The following ADAM20 variants were observed in gnomAD, a reference collection of about 807,000 sequenced individuals.
ADAM20 encodes disintegrin and metalloproteinase domain-containing protein 20.
For missense variants in ADAM20, 871 were observed against 883.2 expected (o/e 0.99, Z 0.18); for synonymous variants, 305 against 310.2 (o/e 0.98, Z 0.18).
the ADAM20 span, among the ~76,000 whole-genome samples, chr14:70,564,359 T>C: frequency 2.6e-5 from 4 of 152,200 alleles, no homozygotes; most frequent in Admixed American, 2.0e-4. Flanking sequence ...AGAATCTAGA[T>C]GCCTGGGACA....
At chr14:70,564,006 C>T in the ADAM20 span, among the ~76,000 whole-genome samples, 1 of 152,226 alleles carries the variant, frequency 6.6e-6, no homozygotes, top group African/African-American at 2.4e-5. Flanking sequence ...ATCACCTCAG[C>T]CCATGACTTC....
At chr14:70,553,450 T>C in the ADAM20 span, among the ~76,000 whole-genome samples, 1 of 120,812 alleles carries the variant, frequency 8.3e-6, no homozygotes, top group Non-Finnish European at 1.6e-5. Context: ...ATTACCCAGA[T>C]ACCAAAACCA....
chr14:70,567,226 T>G, the ADAM20 span, among the ~76,000 whole-genome samples: 1 of 151,300 alleles, frequency 6.6e-6, no homozygotes, highest in East Asian at 1.9e-4. Context: ...CTGCCCTGCC[T>G]AGGGTTTCTC....
At chr14:70,543,711 TCA>T in the ADAM20 span, among the ~76,000 whole-genome samples, 277 of 152,288 alleles carry the variant, frequency 1.8e-3, no homozygotes, top group African/African-American at 6.5e-3. Flanking sequence ...CATGGCCATT[TCA>T]CAGACAACTA....
chr14:70,529,905 T>C (rs1028284856), intron 1 of ADAM20, among the ~76,000 whole-genome samples: 1 of 152,232 alleles, frequency 6.6e-6, no homozygotes, highest in Non-Finnish European at 1.5e-5. Context: ...TTTTACTTTA[T>C]ATACTTTTAA....
chr14:70,542,921 A>C, the ADAM20 span, among the ~76,000 whole-genome samples: 5 of 151,968 alleles, frequency 3.3e-5, no homozygotes, highest in African/African-American at 1.2e-4. Context: ...CCTAGGGGAC[A>C]GAGCAAGACT....
the ADAM20 span, among the ~76,000 whole-genome samples, chr14:70,544,042 C>T: frequency 6.6e-6 from 1 of 152,230 alleles, no homozygotes; most frequent in South Asian, 2.1e-4. Context: ...CAACCAGAGA[C>T]ACGCCAGCCC....
chr14:70,558,606 G>A, the ADAM20 span, among the ~76,000 whole-genome samples: 1 of 152,040 alleles, frequency 6.6e-6, no homozygotes, highest in East Asian at 1.9e-4. Flanking sequence ...ATAGTGGAGT[G>A]GGGTAAATGC....
upstream of ADAM20, among the ~76,000 whole-genome samples, chr14:70,536,130 A>G (rs953231306): frequency 2.6e-5 from 4 of 152,168 alleles, no homozygotes; most frequent in Non-Finnish European, 2.9e-5. Context: ...ACCAAAATAC[A>G]TAATATCCAT....
rs1883479762 is a variant in ADAM20, at chr14:70,522,753, C to T, written c.2005G>A (p.Gly669Arg). Residue 669 changes from glycine (G) to arginine (R), a missense_variant, in exon 2 of 2, where the codon GGA becomes AGA. Physicochemically the swap from Gly to Arg is moderately radical, Grantham distance 125 (BLOSUM62 -2). Transcript: ENST00000256389. ...GGTGGGCCACTATCAGCACTACCTCCATAGCCTTTGTCCTTGCAGTATGGG... is the reference window on the plus strand; with the variant it reads ...GGTGGGCCACTATCAGCACTACCTCTATAGCCTTTGTCCTTGCAGTATGGG... ...APPYCKDKGY[G>R]GSADSGPPPK... 1 of 1,613,952 alleles carries T rather than the reference C, an allele frequency of 6.2e-7. No homozygotes were observed. The highest frequency in any genetic ancestry group is 1.3e-5 in the African/African-American group (1 of 74,916).
rs188550790 is a variant in ADAM20 at position 70,531,750 on chromosome 14, A to G, written c.-177+3047T>C. 3.9e-5 allele frequency among the ~76,000 whole-genome samples: 6 copies of G among 152,244 alleles called. No individual in the cohort carries two copies. The East Asian group carries it at 1.2e-3, about 29-fold the overall frequency. On this transcript the variant is annotated intron_variant, in intron 1 of 1. Transcript: ENST00000256389. Reference sequence around the variant, plus strand: ...AAATAAGAAAACAATTCTATTTACAATAGCATCAGAAAGAATAAAATACTT... The same window carrying G: ...AAATAAGAAAACAATTCTATTTACAGTAGCATCAGAAAGAATAAAATACTT...
At chr14:70,577,069 G>C in the ADAM20 span, among the ~76,000 whole-genome samples, 2 of 152,236 alleles carry the variant, frequency 1.3e-5, no homozygotes, top group Middle Eastern at 3.4e-3. Flanking sequence ...GCCCTTCCAG[G>C]AACCGCACTG....
At chr14:70,541,239 A>G in the ADAM20 span, among the ~76,000 whole-genome samples, 6 of 152,242 alleles carry the variant, frequency 3.9e-5, no homozygotes, top group African/African-American at 1.4e-4. Context: ...TATGCAAGAA[A>G]TGTACAATTT....
chr14:70,556,962 C>T, the ADAM20 span: 2 of 152,102 alleles, frequency 1.3e-5, no homozygotes, highest in Non-Finnish European at 2.9e-5. Context: ...TCACAATAAA[C>T]GATGTTGATA....
the ADAM20 span, among the ~76,000 whole-genome samples, chr14:70,574,221 C>T: frequency 6.6e-6 from 1 of 152,118 alleles, no homozygotes; most frequent in African/African-American, 2.4e-5. Flanking sequence ...AATTAATACT[C>T]CTGAACTACC....
At chr14:70,564,271 G>A in the ADAM20 span, among the ~76,000 whole-genome samples, 3 of 152,184 alleles carry the variant, frequency 2.0e-5, no homozygotes, top group African/African-American at 4.8e-5. Flanking sequence ...AAAACAAACT[G>A]AGCTTTGTCC....
chr14:70,537,287 C>G (rs1279559329), upstream of ADAM20, among the ~76,000 whole-genome samples: 1 of 152,178 alleles, frequency 6.6e-6, no homozygotes, highest in Non-Finnish European at 1.5e-5. Flanking sequence ...CCTCAAAATC[C>G]TCAGGTCTCA....
chr14:70,571,614 T>C, the ADAM20 span, among the ~76,000 whole-genome samples: 1 of 152,142 alleles, frequency 6.6e-6, no homozygotes, highest in Non-Finnish European at 1.5e-5. Context: ...CTATACAACA[T>C]AGTACTGAAA....
chr14:70,555,204 T>G, the ADAM20 span, among the ~76,000 whole-genome samples: 1 of 152,200 alleles, frequency 6.6e-6, no homozygotes, highest in Admixed American at 6.5e-5. Flanking sequence ...AATATGACTA[T>G]CGTTAACAGT....
Sources: allele counts gnomAD v4.1 joint callset (sites outside exome capture counted in the v4.1 genomes callset), GRCh38; gene constraint gnomAD v4.1.1; transcripts MANE v1.5; gene names NCBI Gene and HGNC (gene_info 2026-07-23, HGNC 2026-07-21).